Variants in SEL1L observed in about 807,000 individuals in gnomAD.
SEL1L encodes the protein SEL1L adaptor subunit of SYVN1 ubiquitin ligase, also known as protein sel-1 homolog 1.
Under a neutral mutation model 109.8 loss-of-function variants are expected in SEL1L, and 52 were observed. The observed-to-expected ratio is 0.47, with a 90% CI of 0.38 to 0.60. The LOEUF (loss-of-function observed/expected upper bound fraction) is 0.60. SEL1L is among the 20% of genes least tolerant of loss of function. SEL1L has a pLI of 0.00. For missense variants in SEL1L, 749 were observed against 962.2 expected, an observed-to-expected ratio of 0.78 and a Z score of 2.93; for synonymous variants, 373 against 339.6, an observed-to-expected ratio of 1.10 and a Z score of -1.08.
chr14:81,488,805 A>G, intron 14 of SEL1L: 1 of 209,412 alleles, frequency 4.8e-6, no homozygotes, highest in Non-Finnish European at 9.4e-6. Context: ...AGAGTGAATG[A>G]CAGCAGCTTA....
In SEL1L at chr14:81,526,762, T is replaced by C; in HGVS notation, c.311A>G (p.Tyr104Cys). 2 of 1,610,098 alleles carry C rather than the reference T, an allele frequency of 1.2e-6. No homozygotes were observed. Among genetic ancestry groups the C allele is most frequent in the South Asian group, 1.1e-5 (1 of 90,082 alleles). ...TTTCCGTACTTTCTTTGGCTCTTCATAGTCCTTGTTTTCTGGATTTGGAGA... is the reference window on the plus strand; with the variant it reads ...TTTCCGTACTTTCTTTGGCTCTTCACAGTCCTTGTTTTCTGGATTTGGAGA... ...LESPNPENKD[Y>C]EEPKKVRKPA... The change falls in exon 3 of 21, where the codon TAT becomes TGT. Residue 104 changes from tyrosine to cysteine, a missense_variant. Transcript: ENST00000336735.
intron 3 of SEL1L, among the ~76,000 whole-genome samples, chr14:81,525,843 T>C (rs1885089682): frequency 6.6e-6 from 1 of 152,178 alleles, no homozygotes; most frequent in Non-Finnish European, 1.5e-5. Context: ...CAACATAGAA[T>C]ACACATTTTG....
At chr14:81,489,983 G>A (rs1883478784) in intron 13 of SEL1L, among the ~76,000 whole-genome samples, 1 of 152,162 alleles carries the variant, frequency 6.6e-6, no homozygotes, top group South Asian at 2.1e-4. Context: ...AGACATACAA[G>A]ATTTCAGGTA....
intron 17 of SEL1L, among the ~76,000 whole-genome samples, chr14:81,485,980 G>A (rs1903508858): frequency 6.6e-6 from 1 of 152,204 alleles, no homozygotes; most frequent in African/African-American, 2.4e-5. Context: ...AACCAGTCAT[G>A]AGACTACTGA....
intron 1 of SEL1L, among the ~76,000 whole-genome samples, chr14:81,528,156 T>C (rs1031588251): frequency 1.3e-5 from 2 of 152,220 alleles, no homozygotes; most frequent in African/African-American, 4.8e-5. Flanking sequence ...GCTCAGGATC[T>C]TGAGTTAGAG....
intron 20 of SEL1L, 121 bp from the exon 21 acceptor site, chr14:81,477,302 AATGTGTGTGTGT>A (rs1566968641): frequency 3.1e-4 from 125 of 403,982 alleles, no homozygotes; most frequent in South Asian, 2.7e-3. Context: ...AACGTTTTGC[AATGTGTGTGTGT>A]GTGTGTGTGT....
rs1160217241 is a variant in SEL1L, at chr14:81,502,834, G to T, written c.664C>A (p.Leu222Met). 3.1e-6 allele frequency: 5 copies of T among 1,614,100 alleles called. No individual in the cohort carries two copies. The highest frequency in any genetic ancestry group is 4.2e-6 in the Non-Finnish European group (5 of 1,179,972). Residue 222 changes from leucine to methionine, a missense_variant, in exon 6 of 21, where the codon CTG becomes ATG. Transcript: ENST00000336735. ...AAAAGAGCATATGACACTCTCTCCA[G>T]GGCTTTGGTATGGTTCATGCTTGCT... Reference protein sequence around the residue: ...KAASMNHTKALERVSYALLFG... With the variant: ...KAASMNHTKAMERVSYALLFG...
intron 14 of SEL1L, 130 bp downstream of exon 14, chr14:81,489,122 C>A (rs1293507349): frequency 1.3e-6 from 1 of 781,474 alleles, no homozygotes. Flanking sequence ...ACTCAGACAA[C>A]AGAAAGAGGT....
chr14:81,499,572 C>G (rs368989913), intron 7 of SEL1L, 37 bp downstream of exon 7: 1 of 1,608,332 alleles, frequency 6.2e-7, no homozygotes, highest in Non-Finnish European at 8.5e-7. Context: ...TTATTCAATT[C>G]AAATTGTAAT....
intron 5 of SEL1L, 147 bp from the exon 6 acceptor site, chr14:81,503,030 T>C: frequency 1.5e-6 from 1 of 668,238 alleles, no homozygotes; most frequent in East Asian, 2.9e-5. Flanking sequence ...TTCACTCTTG[T>C]TGTCCCGGCT....
chr14:81,505,092 G>A (rs532154173), intron 4 of SEL1L, among the ~76,000 whole-genome samples: 2 of 152,218 alleles, frequency 1.3e-5, no homozygotes, highest in South Asian at 2.1e-4. Flanking sequence ...CAAGACATAC[G>A]AACACAGTAG....
chr14:81,477,127 C>T lies in SEL1L; in HGVS notation c.2230G>A (p.Asp744Asn). Residue 744 changes from aspartate to asparagine, a missense_variant, in exon 21 of 21, where the codon GAC becomes AAC. By Grantham distance (23) the Asp-to-Asn change is conservative. This residue lies in a region of SEL1L where 383 missense variants were observed against 562.5 expected (regional missense o/e 0.68). Coordinates refer to ENST00000336735, the MANE Select transcript of SEL1L (RefSeq NM_005065.6). ...GCAATGATGGTCATGAGGTAAAGGT[C>T]CCACTCAGGTCCCAAAAGCTGGTCC... ...DMDQLLGPEWDLYLMTIIALL... is the reference protein window; with the variant it reads ...DMDQLLGPEWNLYLMTIIALL... 6.2e-7 allele frequency: 1 copy of T among 1,614,100 alleles called. No individual in the cohort carries two copies. The highest frequency in any genetic ancestry group is 8.5e-7 in the Non-Finnish European group (1 of 1,180,028).
At chr14:81,524,600 G>A (rs1273605440) in intron 3 of SEL1L, among the ~76,000 whole-genome samples, 3 of 152,184 alleles carry the variant, frequency 2.0e-5, no homozygotes, top group Non-Finnish European at 4.4e-5. Context: ...GGCTGGGTGC[G>A]GTGGCTCACG....
intron 19 of SEL1L, among the ~76,000 whole-genome samples, chr14:81,482,967 G>A (rs1903407392): frequency 6.6e-6 from 1 of 152,186 alleles, no homozygotes; most frequent in Non-Finnish European, 1.5e-5. Context: ...AGGTCCCAGT[G>A]TCAGGGAATG....
intron 14 of SEL1L, among the ~76,000 whole-genome samples, chr14:81,488,562 A>G (rs1336657244): frequency 1.3e-5 from 2 of 152,164 alleles, no homozygotes; most frequent in African/African-American, 4.8e-5. Context: ...GGAAAGATCA[A>G]ATAGAGAAGG....
chr14:81,505,980 C>T, intron 4 of SEL1L, 94 bp downstream of exon 4: 1 of 1,267,624 alleles, frequency 7.9e-7, no homozygotes, highest in African/African-American at 1.5e-5. Context: ...CCATTTCTGA[C>T]CAATGTGGAA....
At position 81,477,057 on chromosome 14, in the gene SEL1L, T is replaced by C; in HGVS notation, c.2300A>G (p.Gln767Arg). ...TGGAGGCCTGGGTGCAGGCATGTCT[T>C]GGTGCTGCCTTTGCCTGTAAGCTAT... ...TVIAYRQRQH[Q>R]DMPAPRPPGP... is the part of the protein sequence containing the mutation. The change falls in exon 21 of 21, where the codon CAA (glutamine) becomes CGA (arginine). Residue 767 changes from glutamine to arginine, a missense_variant. Gln to Arg is a conservative substitution (Grantham distance 43). Coordinates refer to ENST00000336735, the MANE Select transcript of SEL1L (RefSeq NM_005065.6). 6.2e-7 allele frequency: 1 copy of C among 1,614,230 alleles called. No individual in the cohort carries two copies. Among genetic ancestry groups the C allele is most frequent in the African/African-American group, 1.3e-5 (1 of 75,062 alleles).
Position 81,474,523 on chromosome 14 carries a change from A to G in SEL1L, c.*2449T>C, listed in dbSNP as rs1903101440. 6.6e-6 allele frequency: 1 copy of G among 152,198 alleles called. No individual in the cohort carries two copies. Among genetic ancestry groups the G allele is most frequent in the African/African-American group, 2.4e-5 (1 of 41,446 alleles). 9.4% of individuals were successfully genotyped at this position (152,198 alleles called of 1,614,324 possible). ...AGTTAGTTTAATGTCACTGACATTA[A>G]CTAGCTTTAGTTATTGTCATTTTAT... is the stretch of plus-strand genomic sequence containing the variant. On this transcript the variant is annotated 3_prime_UTR_variant, in exon 21 of 21. Transcript: ENST00000336735.
chr14:81,487,392 C>G lies in SEL1L; in HGVS notation c.1630G>C (p.Glu544Gln). ...GVMRSCHTAV[E>Q]LFKNVCERGR... ...CAAGCTGGTAGGAAAGACCTTACCT[C>G]CACTGCAGTGTGACATGATCGCATC... Residue 544 changes from glutamate to glutamine, a missense_variant and splice_region_variant, in exon 16 of 21, where the codon GAG becomes CAG. Around this residue, in one of 2 missense-constraint regions of SEL1L, gnomAD observed 383 missense variants for 562.5 expected, o/e 0.68. Transcript: ENST00000336735. 1.3e-6 allele frequency: 2 copies of G among 1,580,588 alleles called. No homozygotes were observed. The highest frequency in any genetic ancestry group is 4.5e-5 in the East Asian group (2 of 44,306).
Sources: gnomAD v4.1 joint callset for allele counts (sites outside exome capture counted in the v4.1 genomes callset) on GRCh38, gnomAD v4.1.1 for gene constraint, gnomAD v4.1.1 regional missense constraint, MANE v1.5 for transcripts, NCBI Gene and HGNC (gene_info 2026-07-23, HGNC 2026-07-21) for gene names.